Variants in ZNF385D observed in about 807,000 individuals in gnomAD.
ZNF385D encodes the protein zinc finger protein 385D, also known as zinc finger protein 659.
A neutral mutation model predicts 35.8 loss-of-function variants in ZNF385D; 15 were observed. That is an observed-to-expected ratio of 0.42 (90% CI 0.28 to 0.64). ZNF385D has a LOEUF of 0.64. ZNF385D is among the 30% of genes least tolerant of loss of function. The pLI is 0.23. For missense variants in ZNF385D, 474 were observed against 494.6 expected, an observed-to-expected ratio of 0.96 and a Z score of 0.39; for synonymous variants, 212 against 186.8, an observed-to-expected ratio of 1.13 and a Z score of -1.10.
intron 3 of ZNF385D, among the ~76,000 whole-genome samples, chr3:21,946,579 C>A (rs147792993): frequency 1.4e-3 from 206 of 152,226 alleles, no homozygotes; most frequent in African/African-American, 4.7e-3. Flanking sequence ...CACCTGTAAT[C>A]CCAGAACTTT....
Position 21,437,066 on chromosome 3 carries a change from T to C in ZNF385D, c.577A>G (p.Thr193Ala). ...TTTGCCTTTTCTTCCTCGGTCTCAG[T>C]AGAAGGACATGAGCTATTGCCAGTG... ...TATGNSSCPS[T>A]ETEEEKAKRL... The change falls in exon 5 of 8, where the codon ACT becomes GCT. Residue 193 changes from threonine to alanine, a missense_variant. By Grantham distance (58) the Thr-to-Ala change is moderately conservative (BLOSUM62 0). Transcript: ENST00000281523. 6.2e-7 allele frequency: 1 copy of C among 1,614,034 alleles called. No individual in the cohort carries two copies. The highest frequency in any genetic ancestry group is 8.5e-7 in the Non-Finnish European group (1 of 1,179,914).
chr3:22,201,701 A>G (rs1329080210), intron 2 of ZNF385D, among the ~76,000 whole-genome samples: 2 of 151,996 alleles, frequency 1.3e-5, no homozygotes, highest in East Asian at 1.9e-4. Context: ...TAAACAAATG[A>G]CCACATATTT....
At chr3:22,335,946 T>C (rs769904702) in intron 2 of ZNF385D, among the ~76,000 whole-genome samples, 17 of 152,148 alleles carry the variant, frequency 1.1e-4, no homozygotes, top group Non-Finnish European at 2.1e-4. Context: ...ATTTTTATTT[T>C]GGGACTTTGT....
intron 2 of ZNF385D, among the ~76,000 whole-genome samples, chr3:22,309,988 G>C (rs181838216): frequency 6.6e-6 from 1 of 152,004 alleles, no homozygotes; most frequent in East Asian, 1.9e-4. Flanking sequence ...CTGCTCAATG[G>C]ACCAAACAGT....
At chr3:22,295,392 A>T (rs1345773234) in intron 2 of ZNF385D, among the ~76,000 whole-genome samples, 1 of 152,172 alleles carries the variant, frequency 6.6e-6, no homozygotes, top group Non-Finnish European at 1.5e-5. Flanking sequence ...GCCACCTCAC[A>T]TGCCTCCAAA....
In ZNF385D at chr3:22,016,412, A is replaced by G. The variant is rs1014872618; in HGVS notation, c.325+152405T>C. Among the ~76,000 whole-genome samples the G allele has an allele frequency of 2.0e-5, 3 of 152,242 alleles. No individual in the cohort carries two copies. The South Asian group carries it at 6.2e-4, about 32-fold the overall frequency. On this transcript the variant is annotated intron_variant, in intron 3 of 5. Transcript: ENST00000494108. ...CATTCTATGTACTTAGTATCCCACGATGACAGGCAAATTGTGCAGACCAAG... is the reference window on the plus strand; with the variant it reads ...CATTCTATGTACTTAGTATCCCACGGTGACAGGCAAATTGTGCAGACCAAG...
intron 2 of ZNF385D, among the ~76,000 whole-genome samples, chr3:21,645,111 C>T (rs554967933): frequency 1.3e-5 from 2 of 152,174 alleles, no homozygotes; most frequent in Non-Finnish European, 2.9e-5. Flanking sequence ...ATGTTTGATG[C>T]AACGGTCCCT....
rs528566534 is a variant in ZNF385D, at chr3:22,196,627, G to A, written c.107-27592C>T. Among the ~76,000 whole-genome samples, 33 of 152,048 alleles carry A rather than the reference G, an allele frequency of 2.2e-4. No homozygotes were observed. In the South Asian group the frequency reaches 6.8e-3, roughly 32 times the overall value. On this transcript the variant is annotated intron_variant, in intron 2 of 5. Transcript: ENST00000494108. ...CCTCTACTTATTAGAGTCCATTGCAGATTGCTAATTTTACCATATATTGGA... is the reference window on the plus strand; with the variant it reads ...CCTCTACTTATTAGAGTCCATTGCAAATTGCTAATTTTACCATATATTGGA...
intron 3 of ZNF385D, among the ~76,000 whole-genome samples, chr3:21,815,107 C>G (rs1331594735): frequency 6.6e-6 from 1 of 152,106 alleles, no homozygotes; most frequent in Non-Finnish European, 1.5e-5. Context: ...GAAATGAAGG[C>G]AGAAATAAAG....
chr3:21,812,550 C>A (rs1017302608), intron 3 of ZNF385D, among the ~76,000 whole-genome samples: 6 of 152,352 alleles, frequency 3.9e-5, no homozygotes, highest in African/African-American at 1.4e-4. Context: ...GAGGTTATAT[C>A]CCATGCCTGG....
chr3:21,854,877 A>G (rs1304915330), intron 3 of ZNF385D, among the ~76,000 whole-genome samples: 1 of 152,056 alleles, frequency 6.6e-6, no homozygotes, highest in East Asian at 1.9e-4. Context: ...CAGCTAAGGA[A>G]TGATGACAGG....
intron 3 of ZNF385D, among the ~76,000 whole-genome samples, chr3:22,028,236 C>A (rs1483942509): frequency 6.6e-6 from 1 of 152,134 alleles, no homozygotes; most frequent in East Asian, 1.9e-4. Flanking sequence ...CAACATGTGA[C>A]CTCAGCAGAA....
chr3:21,912,170 T>C (rs1316218123), intron 3 of ZNF385D, among the ~76,000 whole-genome samples: 1 of 151,974 alleles, frequency 6.6e-6, no homozygotes, highest in Non-Finnish European at 1.5e-5. Context: ...CTGCTCAGTC[T>C]CAACCATTTC....
chr3:21,562,775 A>T (rs1056823486), intron 3 of ZNF385D, among the ~76,000 whole-genome samples: 7 of 152,194 alleles, frequency 4.6e-5, no homozygotes, highest in African/African-American at 1.7e-4. Flanking sequence ...GTGTTTAAAA[A>T]TGATCAAAGT....
intron 2 of ZNF385D, among the ~76,000 whole-genome samples, chr3:22,216,673 T>C (rs1353857484): frequency 6.6e-6 from 1 of 152,144 alleles, no homozygotes; most frequent in Admixed American, 6.6e-5. Context: ...GAAGATGGAA[T>C]GTCATGTAGT....
chr3:22,293,093 T>C (rs1363063578), intron 2 of ZNF385D, among the ~76,000 whole-genome samples: 1 of 152,114 alleles, frequency 6.6e-6, no homozygotes, highest in African/African-American at 2.4e-5. Flanking sequence ...TACTGTCTTA[T>C]ATATAACTCA....
chr3:21,467,638 T>C (rs906099929), intron 4 of ZNF385D, among the ~76,000 whole-genome samples: 2 of 152,170 alleles, frequency 1.3e-5, no homozygotes, highest in African/African-American at 4.8e-5. Context: ...TTGTGGTATT[T>C]CCCTGGTAAC....
intron 2 of ZNF385D, among the ~76,000 whole-genome samples, chr3:22,187,597 CA>C (rs1695723777): frequency 6.6e-6 from 1 of 151,944 alleles, no homozygotes; most frequent in Non-Finnish European, 1.5e-5. Flanking sequence ...CAGAAGGGAA[CA>C]AAGTTCTCAT....
At chr3:21,437,589 T>C (rs1701622483) in intron 4 of ZNF385D, among the ~76,000 whole-genome samples, 1 of 151,544 alleles carries the variant, frequency 6.6e-6, no homozygotes, top group African/African-American at 2.4e-5. Flanking sequence ...AGAAGATAAA[T>C]GCTTTTAAGA....
Sources: gnomAD v4.1 joint callset for allele counts (sites outside exome capture counted in the v4.1 genomes callset) on GRCh38, gnomAD v4.1.1 for gene constraint, MANE v1.5 for transcripts, NCBI Gene and HGNC (gene_info 2026-07-23, HGNC 2026-07-21) for gene names.